The following DPP6 variants were observed in gnomAD, a reference collection of about 807,000 sequenced individuals.
The protein encoded by DPP6 is A-type potassium channel modulatory protein DPP6.
DPP6 carries 69 observed loss-of-function variants against 122.6 expected under a neutral mutation model. That is an observed-to-expected ratio of 0.56 (90% CI 0.46 to 0.69). The LOEUF is 0.69. Among genes scored for constraint, DPP6 ranks in the 30% least tolerant of loss-of-function variants. The pLI, the probability that DPP6 is intolerant of heterozygous loss-of-function variation, is 0.00. For synonymous variants in DPP6, 418 were observed against 433.1 expected (o/e 0.97, Z 0.43); for missense variants, 928 against 1,116.9 (o/e 0.83, Z 2.41).
At chr7:153,944,664 GTTTTTTTT>G (rs139824215) in intron 1 of DPP6, among the ~76,000 whole-genome samples, 2 of 106,998 alleles carry the variant, frequency 1.9e-5, no homozygotes, top group South Asian at 3.3e-4. Context: ...TTTTGTGTGG[GTTTTTTTT>G]TTTTTTTTTT....
the DPP6 span, among the ~76,000 whole-genome samples, chr7:153,775,057 G>T: frequency 6.7e-6 from 1 of 149,402 alleles, no homozygotes; most frequent in Non-Finnish European, 1.5e-5. Context: ...AATTAATGAG[G>T]CCATCACTAA....
At chr7:154,495,650 A>G (rs1265459241) in intron 3 of DPP6, among the ~76,000 whole-genome samples, 2 of 152,138 alleles carry the variant, frequency 1.3e-5, no homozygotes, top group African/African-American at 4.8e-5. Context: ...TTGATCTCCC[A>G]AAGTGCTGGG....
At chr7:154,005,855 T>G (rs1211427198) in intron 1 of DPP6, among the ~76,000 whole-genome samples, 3 of 151,986 alleles carry the variant, frequency 2.0e-5, no homozygotes, top group Non-Finnish European at 4.4e-5. Context: ...CATCCCAGAG[T>G]GTTGGCGGCT....
intron 1 of DPP6, among the ~76,000 whole-genome samples, chr7:153,977,715 A>G (rs978812768): frequency 6.9e-6 from 1 of 144,898 alleles, no homozygotes; most frequent in African/African-American, 2.6e-5. Context: ...CTTGTCCCCC[A>G]CCCCCGACAG....
At chr7:154,383,410 C>T (rs866864629) in intron 1 of DPP6, among the ~76,000 whole-genome samples, 1 of 152,148 alleles carries the variant, frequency 6.6e-6, no homozygotes, top group Non-Finnish European at 1.5e-5. Flanking sequence ...CATTTGAGTT[C>T]GCATCGATTT....
At chr7:154,854,373 C>T (rs1288863454) in intron 17 of DPP6, among the ~76,000 whole-genome samples, 1 of 152,136 alleles carries the variant, frequency 6.6e-6, no homozygotes, top group Non-Finnish European at 1.5e-5. Flanking sequence ...ACAGCAAGAT[C>T]CCGTGGGGGT....
chr7:154,376,008 T>C (rs998937623), intron 1 of DPP6, among the ~76,000 whole-genome samples: 6 of 152,176 alleles, frequency 3.9e-5, no homozygotes, highest in African/African-American at 1.4e-4. Flanking sequence ...CATTTCACAT[T>C]ACCCCCACTG....
At chr7:154,447,174 C>T (rs1819951493) in intron 2 of DPP6, among the ~76,000 whole-genome samples, 1 of 152,156 alleles carries the variant, frequency 6.6e-6, no homozygotes, top group Non-Finnish European at 1.5e-5. Flanking sequence ...GGCGTGGTGG[C>T]AAGTGCCTGT....
the DPP6 span, among the ~76,000 whole-genome samples, chr7:153,828,634 G>T: frequency 0.42 from 63,570 of 152,042 alleles, 13,360 homozygotes; most frequent in Middle Eastern, 0.46. Flanking sequence ...TATGGAAATA[G>T]GTATGCAAAC....
At chr7:154,063,248 C>T (rs186324335) in intron 1 of DPP6, among the ~76,000 whole-genome samples, 1,686 of 135,266 alleles carry the variant, frequency 0.012, 136 homozygotes, top group African/African-American at 0.043. Context: ...AGCCCCTATT[C>T]CCCCACTGGC....
intron 6 of DPP6, among the ~76,000 whole-genome samples, chr7:154,659,706 TCCTC>T (rs1837491459): frequency 6.6e-6 from 1 of 152,140 alleles, no homozygotes; most frequent in Non-Finnish European, 1.5e-5. Flanking sequence ...CTTCACAACT[TCCTC>T]CCCACGAGGA....
chr7:154,114,356 G>A (rs895296525), intron 1 of DPP6, among the ~76,000 whole-genome samples: 9 of 152,160 alleles, frequency 5.9e-5, no homozygotes, highest in African/African-American at 2.2e-4. Flanking sequence ...TCTGCAAAAG[G>A]GGAATAGCAG....
At chr7:154,759,887 G>A (rs1444169364) in intron 8 of DPP6, among the ~76,000 whole-genome samples, 1 of 152,178 alleles carries the variant, frequency 6.6e-6, no homozygotes, top group Non-Finnish European at 1.5e-5. Context: ...GCCTTGGGAG[G>A]CCAAGGAGGG....
intron 1 of DPP6, among the ~76,000 whole-genome samples, chr7:154,146,572 T>C (rs999080172): frequency 1.6e-4 from 25 of 152,370 alleles, no homozygotes; most frequent in East Asian, 9.6e-4. Context: ...AGGTGCTCCC[T>C]GCAGGCTTGT....
intron 1 of DPP6, among the ~76,000 whole-genome samples, chr7:153,962,825 G>T (rs1795423787): frequency 1.3e-5 from 2 of 152,168 alleles, no homozygotes; most frequent in African/African-American, 4.8e-5. Flanking sequence ...AGCAGTATAA[G>T]ACTGTAGCAG....
chr7:153,869,990 C>T, the DPP6 span, among the ~76,000 whole-genome samples: 2 of 152,204 alleles, frequency 1.3e-5, no homozygotes, highest in Non-Finnish European at 2.9e-5. Flanking sequence ...CTATTCTCTT[C>T]TGGCTTGTAG....
intron 1 of DPP6, among the ~76,000 whole-genome samples, chr7:153,969,114 T>C (rs1290966323): frequency 6.6e-6 from 1 of 151,020 alleles, no homozygotes; most frequent in Non-Finnish European, 1.5e-5. Flanking sequence ...TGGGTAGATA[T>C]CTAAGAGTGG....
the DPP6 span, among the ~76,000 whole-genome samples, chr7:153,829,505 C>T: frequency 2.0e-5 from 3 of 152,148 alleles, no homozygotes; most frequent in Non-Finnish European, 2.9e-5. Flanking sequence ...TGAGCCACCA[C>T]GCCCGGCCTG....
intron 7 of DPP6, among the ~76,000 whole-genome samples, chr7:154,684,244 C>T (rs1212141927): frequency 6.6e-6 from 1 of 152,000 alleles, no homozygotes; most frequent in African/African-American, 2.4e-5. Context: ...CCCCTCTGCT[C>T]TGTCCCCTGC....
Sources: gnomAD v4.1 joint callset for allele counts (sites outside exome capture counted in the v4.1 genomes callset) on GRCh38, gnomAD v4.1.1 for gene constraint, MANE v1.5 for transcripts, NCBI Gene and HGNC (gene_info 2026-07-23, HGNC 2026-07-21) for gene names.